COLGALT2: variants seen among roughly 807,000 people sequenced by gnomAD.
COLGALT2 encodes procollagen galactosyltransferase 2.
COLGALT2 carries 49 observed loss-of-function variants against 73.4 expected under a neutral mutation model. That is an observed-to-expected ratio of 0.67 (90% CI 0.53 to 0.85). COLGALT2 has a LOEUF of 0.85. Ranked by LOEUF, COLGALT2 falls within the 40% of genes least tolerant of loss-of-function variation. The pLI is 0.00. For missense variants in COLGALT2, 722 were observed against 790.2 expected (o/e 0.91, Z 1.03); for synonymous variants, 295 against 307.6 (o/e 0.96, Z 0.43).
chr1:183,987,128 T>C lies in COLGALT2; in HGVS notation c.264-8608A>G, dbSNP rs543907417. On this transcript the variant is annotated intron_variant, in intron 1 of 11. Coordinates refer to ENST00000361927, the MANE Select transcript of COLGALT2 (RefSeq NM_015101.4). ...AGGTTTACTTTCAGCATAATTTTCC[T>C]TGGAGTCACAACCCTTGGAATTCCA... Among the ~76,000 whole-genome samples, 3 of 152,374 alleles carry C rather than the reference T, an allele frequency of 2.0e-5. No homozygotes were observed. In the South Asian group the frequency reaches 6.2e-4, roughly 32 times the overall value.
intron 1 of COLGALT2, among the ~76,000 whole-genome samples, chr1:184,015,311 A>G (rs1164093703): frequency 2.0e-5 from 3 of 152,188 alleles, no homozygotes; most frequent in African/African-American, 7.2e-5. Flanking sequence ...ATACACATCT[A>G]TCCTGTTGCT....
chr1:183,987,388 C>T lies in COLGALT2; in HGVS notation c.264-8868G>A, dbSNP rs576638492. Among the ~76,000 whole-genome samples the T allele has an allele frequency of 5.3e-5, 8 of 152,250 alleles. No individual in the cohort carries two copies. In the East Asian group the frequency reaches 1.5e-3, roughly 29 times the overall value. On this transcript the variant is annotated intron_variant, in intron 1 of 11. Transcript: ENST00000361927. ...TTACTAGTTAAATGTAGCACTGGTA[C>T]TAAAGAGAAGACACAGCAGGATCCA...
intron 1 of COLGALT2, among the ~76,000 whole-genome samples, chr1:183,990,969 GT>G (rs1234881948): frequency 1.3e-5 from 2 of 152,216 alleles, no homozygotes; most frequent in African/African-American, 4.8e-5. Flanking sequence ...AGGTATTGCT[GT>G]TAGCATGAGC....
intron 1 of COLGALT2, among the ~76,000 whole-genome samples, chr1:184,023,317 A>G (rs1382276205): frequency 6.6e-6 from 1 of 152,200 alleles, no homozygotes; most frequent in African/African-American, 2.4e-5. Context: ...TTCATGTTAC[A>G]AGGACCTTTC....
chr1:183,954,905 G>C (rs773002118), intron 6 of COLGALT2, 67 bp from the exon 7 acceptor site: 222 of 1,196,768 alleles, frequency 1.9e-4, no homozygotes, highest in Non-Finnish European at 2.6e-4. Flanking sequence ...AATTCCATCC[G>C]CATGCCTGAT....
At chr1:184,023,362 C>T (rs1296289664) in intron 1 of COLGALT2, among the ~76,000 whole-genome samples, 2 of 152,088 alleles carry the variant, frequency 1.3e-5, no homozygotes, top group African/African-American at 4.8e-5. Context: ...GAAGGCATTG[C>T]CAATGTTTAG....
chr1:183,978,406 T>A lies in COLGALT2; in HGVS notation c.374+4A>T. The A allele has an allele frequency of 6.4e-7, 1 of 1,556,236 alleles. No homozygotes were observed. The highest frequency in any genetic ancestry group is 1.1e-5 in the South Asian group (1 of 89,350). ...AGTTTACAAATTTCGCACTTGCTACTCACTCTGGTTCATCCATAGGCCTCC... is the reference window on the plus strand; with the variant it reads ...AGTTTACAAATTTCGCACTTGCTACACACTCTGGTTCATCCATAGGCCTCC... On this transcript the variant is annotated splice_donor_region_variant and intron_variant, in intron 2 of 11. Coordinates refer to ENST00000361927, the MANE Select transcript of COLGALT2 (RefSeq NM_015101.4).
At chr1:184,035,582 T>C (rs1405325054) in intron 1 of COLGALT2, among the ~76,000 whole-genome samples, 11 of 152,200 alleles carry the variant, frequency 7.2e-5, no homozygotes, top group South Asian at 4.1e-4. Context: ...AGAGGTAATG[T>C]CTCTAAATCA....
In COLGALT2 at chr1:183,936,183, A is replaced by G. The variant is rs946231566; in HGVS notation, c.*2578T>C. 2.1e-5 allele frequency: 21 copies of G among 985,440 alleles called. No individual in the cohort carries two copies. The Admixed American group carries it at 2.5e-4, about 12-fold the overall frequency. The allele number at this position is 985,440 out of a possible 1,614,324, so 61.0% of individuals were successfully genotyped here. A position where few individuals can be genotyped will look rare whatever the true frequency, so the allele number is the denominator to read the frequency against. Reference sequence around the variant, plus strand: ...CAGGCCCAGATGCAAAGGCCTCTATACTGACGCCCTCACATGACACTGCAA... The same window carrying G: ...CAGGCCCAGATGCAAAGGCCTCTATGCTGACGCCCTCACATGACACTGCAA... On this transcript the variant is annotated 3_prime_UTR_variant, in exon 12 of 12. Transcript: ENST00000361927.
At chr1:183,945,664 CACAG>C (rs1670230674) in intron 8 of COLGALT2, 100 bp from the exon 9 acceptor site, 1 of 1,386,892 alleles carries the variant, frequency 7.2e-7, no homozygotes, top group Non-Finnish European at 9.9e-7. Flanking sequence ...CCCTCCCCCA[CACAG>C]ACAAAGACAG....
chr1:183,975,236 A>G, intron 2 of COLGALT2, 22 bp from the exon 3 acceptor site: 1 of 1,463,236 alleles, frequency 6.8e-7, no homozygotes, highest in Non-Finnish European at 9.6e-7. Flanking sequence ...ATAATAGCTC[A>G]TCATTATTGA....
chr1:183,978,997 G>C (rs1016449547), intron 1 of COLGALT2, among the ~76,000 whole-genome samples: 2 of 152,132 alleles, frequency 1.3e-5, no homozygotes, highest in African/African-American at 4.8e-5. Context: ...AAAATATCTA[G>C]TCAATGCTGC....
At chr1:184,015,901 A>G (rs780260239) in intron 1 of COLGALT2, among the ~76,000 whole-genome samples, 2 of 152,244 alleles carry the variant, frequency 1.3e-5, no homozygotes, top group African/African-American at 2.4e-5. Context: ...ATTAAATATT[A>G]GATATTCTAA....
chr1:184,031,873 T>C (rs1557868558), intron 1 of COLGALT2, among the ~76,000 whole-genome samples: 1 of 151,924 alleles, frequency 6.6e-6, no homozygotes, highest in African/African-American at 2.4e-5. Context: ...CCTTAGTTCT[T>C]TATTTTTCCC....
chr1:183,986,445 C>T (rs1421070956), intron 1 of COLGALT2, among the ~76,000 whole-genome samples: 2 of 152,164 alleles, frequency 1.3e-5, no homozygotes, highest in East Asian at 3.9e-4. Flanking sequence ...AGACACGACA[C>T]ACCTGAAGCC....
intron 1 of COLGALT2, among the ~76,000 whole-genome samples, chr1:184,008,555 C>T (rs1400287403): frequency 6.6e-6 from 1 of 152,018 alleles, no homozygotes; most frequent in Non-Finnish European, 1.5e-5. Flanking sequence ...ATATTGAGAA[C>T]CCCACCTCCA....
At chr1:183,956,104 T>C (rs975650480) in intron 6 of COLGALT2, among the ~76,000 whole-genome samples, 1 of 152,224 alleles carries the variant, frequency 6.6e-6, no homozygotes, top group Non-Finnish European at 1.5e-5. Flanking sequence ...CAGACTTGGA[T>C]AGCAAGAAAT....
chr1:183,933,090 C>G (rs773376315), downstream of COLGALT2, among the ~76,000 whole-genome samples: 1 of 152,220 alleles, frequency 6.6e-6, no homozygotes, highest in African/African-American at 2.4e-5. Context: ...CCAACTCAAT[C>G]TCTCCCATAG....
At chr1:183,981,254 T>C (rs1467521838) in intron 1 of COLGALT2, among the ~76,000 whole-genome samples, 1 of 152,186 alleles carries the variant, frequency 6.6e-6, no homozygotes, top group Non-Finnish European at 1.5e-5. Flanking sequence ...TATGATATAA[T>C]ACAGTTTTGA....
Sources: gnomAD v4.1 joint callset for allele counts (sites outside exome capture counted in the v4.1 genomes callset) on GRCh38, gnomAD v4.1.1 for gene constraint, MANE v1.5 for transcripts, NCBI Gene and HGNC (gene_info 2026-07-23, HGNC 2026-07-21) for gene names.